The following SPAG16 variants were observed in gnomAD, a reference collection of about 807,000 sequenced individuals.
The protein encoded by SPAG16 is sperm-associated antigen 16 protein.
A neutral mutation model predicts 80.4 loss-of-function variants in SPAG16; 86 were observed. The observed-to-expected ratio is 1.07, with a 90% CI of 0.90 to 1.28. The LOEUF (loss-of-function observed/expected upper bound fraction) is 1.28. SPAG16 is among the 50% of genes most tolerant of loss of function. SPAG16 has a pLI of 0.00. For missense variants in SPAG16, 870 were observed against 765.3 expected (o/e 1.14, Z -1.61); for synonymous variants, 294 against 265.9 (o/e 1.11, Z -1.03).
intron 5 of SPAG16, among the ~76,000 whole-genome samples, chr2:213,324,888 A>C (rs558709678): frequency 1.3e-4 from 20 of 152,236 alleles, no homozygotes; most frequent in African/African-American, 4.8e-4. Context: ...TGCTCCAAAC[A>C]GCTACTAACA....
chr2:214,217,129 G>C (rs1187001180), intron 15 of SPAG16, among the ~76,000 whole-genome samples: 2 of 152,086 alleles, frequency 1.3e-5, no homozygotes, highest in Non-Finnish European at 2.9e-5. Flanking sequence ...CAAAATTTTA[G>C]TTATTAAAAA....
In SPAG16 at chr2:214,022,834, C is replaced by T. The variant is rs191261141; in HGVS notation, c.1527+8757C>T. On this transcript the variant is annotated intron_variant, in intron 13 of 15. Coordinates refer to ENST00000331683, the MANE Select transcript of SPAG16 (RefSeq NM_024532.5). ...TCCTTTCTTTCCATTTATATTAACA[C>T]CAAGCCATAGTACAGAATTGTTACT... 2.1e-3 allele frequency among the ~76,000 whole-genome samples: 318 copies of T among 152,126 alleles called. 1 individual carries two copies. Among genetic ancestry groups the T allele is most frequent in the Middle Eastern group, 6.8e-3 (2 of 294 alleles).
At chr2:214,164,748 C>A (rs189461208) in intron 15 of SPAG16, among the ~76,000 whole-genome samples, 1 of 152,128 alleles carries the variant, frequency 6.6e-6, no homozygotes, top group African/African-American at 2.4e-5. Flanking sequence ...AAAGAACAAC[C>A]AATGAATTTG....
At chr2:213,970,002 C>T (rs1034018585) in intron 12 of SPAG16, among the ~76,000 whole-genome samples, 1 of 152,160 alleles carries the variant, frequency 6.6e-6, no homozygotes, top group African/African-American at 2.4e-5. Flanking sequence ...AAGACACCAG[C>T]AGATTTGGTG....
chr2:214,151,197 G>C (rs1262682034), intron 15 of SPAG16, among the ~76,000 whole-genome samples: 1 of 151,914 alleles, frequency 6.6e-6, no homozygotes, highest in African/African-American at 2.4e-5. Flanking sequence ...CTGTGCTTCT[G>C]TACAAGACAA....
intron 10 of SPAG16, among the ~76,000 whole-genome samples, chr2:213,585,715 T>C (rs1409383145): frequency 2.6e-5 from 4 of 152,222 alleles, no homozygotes; most frequent in Non-Finnish European, 1.5e-5. Context: ...CTCTAAAATA[T>C]ATCAAAGTTC....
At chr2:213,608,021 A>C (rs1231637406) in intron 10 of SPAG16, among the ~76,000 whole-genome samples, 3 of 152,102 alleles carry the variant, frequency 2.0e-5, no homozygotes, top group Non-Finnish European at 2.9e-5. Context: ...TTTTTTTATA[A>C]TGTTATCTAT....
chr2:213,589,338 A>G (rs1254489827), intron 10 of SPAG16, among the ~76,000 whole-genome samples: 1 of 152,234 alleles, frequency 6.6e-6, no homozygotes, highest in Non-Finnish European at 1.5e-5. Flanking sequence ...TTTTGTTAAC[A>G]ATTAACTTTG....
intron 10 of SPAG16, among the ~76,000 whole-genome samples, chr2:213,603,994 G>A (rs976005406): frequency 4.0e-5 from 6 of 151,334 alleles, no homozygotes; most frequent in African/African-American, 1.2e-4. Context: ...CACGATCTTG[G>A]CTCACTGTAT....
chr2:213,933,678 C>T (rs1276608265), intron 12 of SPAG16, among the ~76,000 whole-genome samples: 1 of 152,148 alleles, frequency 6.6e-6, no homozygotes, highest in Non-Finnish European at 1.5e-5. Flanking sequence ...GAGGGACTTG[C>T]AAAATTCAAC....
chr2:213,332,883 A>G (rs1470444840), intron 5 of SPAG16, among the ~76,000 whole-genome samples: 1 of 152,136 alleles, frequency 6.6e-6, no homozygotes, highest in Non-Finnish European at 1.5e-5. Context: ...TGAACACAAT[A>G]AACACTATAT....
At chr2:214,289,251 AT>A (rs1199258604) in intron 15 of SPAG16, among the ~76,000 whole-genome samples, 1 of 152,038 alleles carries the variant, frequency 6.6e-6, no homozygotes, top group Non-Finnish European at 1.5e-5. Flanking sequence ...TAATAGTCAC[AT>A]TTGTCTATTT....
At chr2:213,767,314 A>G (rs1353096739) in intron 10 of SPAG16, among the ~76,000 whole-genome samples, 1 of 152,196 alleles carries the variant, frequency 6.6e-6, no homozygotes, top group Non-Finnish European at 1.5e-5. Context: ...GTATCATGTA[A>G]TAAATGCTCT....
At chr2:213,456,930 G>T (rs1311969711) in intron 9 of SPAG16, among the ~76,000 whole-genome samples, 1 of 151,196 alleles carries the variant, frequency 6.6e-6, no homozygotes, top group East Asian at 1.9e-4. Context: ...ATGCCTTCTT[G>T]TATCTTATAA....
intron 12 of SPAG16, among the ~76,000 whole-genome samples, chr2:213,960,383 TTC>T (rs1459690748): frequency 2.0e-5 from 3 of 152,104 alleles, no homozygotes; most frequent in Non-Finnish European, 4.4e-5. Context: ...TAGGGACAAT[TTC>T]TGTTTGTTTG....
chr2:213,354,710 C>T (rs536075022), intron 7 of SPAG16, among the ~76,000 whole-genome samples: 1 of 150,434 alleles, frequency 6.6e-6, no homozygotes, highest in Admixed American at 6.6e-5. Flanking sequence ...TGTTCATATA[C>T]TTTGTTTTTT....
At chr2:214,328,279 C>T (rs1329958195) in intron 15 of SPAG16, among the ~76,000 whole-genome samples, 2 of 152,118 alleles carry the variant, frequency 1.3e-5, no homozygotes, top group African/African-American at 2.4e-5. Flanking sequence ...CCTCAGTCTC[C>T]CAAGTAGCTG....
chr2:214,123,177 T>G (rs1300853472), intron 14 of SPAG16, among the ~76,000 whole-genome samples: 1 of 151,928 alleles, frequency 6.6e-6, no homozygotes, highest in Non-Finnish European at 1.5e-5. Context: ...TATTCTATCT[T>G]TATTTCTACT....
intron 15 of SPAG16, among the ~76,000 whole-genome samples, chr2:214,249,377 A>C (rs1322716976): frequency 6.6e-6 from 1 of 152,100 alleles, no homozygotes; most frequent in African/African-American, 2.4e-5. Context: ...TTGACTGTTT[A>C]CCACCCACAG....
Sources: allele counts gnomAD v4.1 joint callset (sites outside exome capture counted in the v4.1 genomes callset), GRCh38; gene constraint gnomAD v4.1.1; transcripts MANE v1.5; gene names NCBI Gene and HGNC (gene_info 2026-07-23, HGNC 2026-07-21).